MAPKAP1: variants seen among roughly 807,000 people sequenced by gnomAD.
The protein encoded by MAPKAP1 is target of rapamycin complex 2 subunit MAPKAP1.
In MAPKAP1, 20 loss-of-function variants were observed where a neutral mutation model predicts 65.7. The ratio of observed to expected loss-of-function variants is 0.30; its 90% CI spans 0.21 to 0.44. The LOEUF is 0.44. Among genes scored for constraint, MAPKAP1 ranks in the 20% least tolerant of loss-of-function variants. The probability of loss-of-function intolerance (pLI) is 1.00; values close to 1 mark genes in which losing one functional copy is unlikely to be tolerated. For missense variants in MAPKAP1, 423 were observed against 648.0 expected (o/e 0.65, Z 3.77); for synonymous variants, 222 against 244.3 (o/e 0.91, Z 0.85).
intron 4 of MAPKAP1, among the ~76,000 whole-genome samples, chr9:125,617,732 G>T (rs1832786213): frequency 6.6e-6 from 1 of 152,018 alleles, no homozygotes; most frequent in South Asian, 2.1e-4. Flanking sequence ...TTTACATAAA[G>T]TTAAAAAAAT....
intron 7 of MAPKAP1, among the ~76,000 whole-genome samples, chr9:125,516,344 A>G (rs905719044): frequency 2.0e-5 from 3 of 152,236 alleles, no homozygotes; most frequent in African/African-American, 7.2e-5. Flanking sequence ...AGCTAAAACC[A>G]GAAATTAAAG....
At chr9:125,515,771 G>C (rs969921662) in intron 7 of MAPKAP1, among the ~76,000 whole-genome samples, 4 of 152,172 alleles carry the variant, frequency 2.6e-5, no homozygotes, top group Non-Finnish European at 4.4e-5. Flanking sequence ...GGGGCCAGTC[G>C]GTGCAATAAA....
Position 125,519,652 on chromosome 9 carries a change from T to TTATATATATATATATATATATATATA in MAPKAP1, c.959-13236_959-13235insTATATATATATATATATATATATATA, listed in dbSNP as rs146480033. On this transcript the variant is annotated intron_variant, in intron 7 of 11. Coordinates refer to ENST00000265960, the MANE Select transcript of MAPKAP1 (RefSeq NM_001006617.3). ...TAATATATATACATATATATGTCTT[T>TTATATATATATATATATATATATATA]TATATATATATATATATATAATTTA... 4.4e-4 allele frequency among the ~76,000 whole-genome samples: 62 copies of TTATATATATATATATATATATATATA among 141,670 alleles called. 1 individual carries two copies. The highest frequency in any genetic ancestry group is 3.7e-3 in the Admixed American group (50 of 13,472). The allele number at this position is 141,670 out of a possible 152,430, so 92.9% of individuals were successfully genotyped here.
intron 1 of MAPKAP1, among the ~76,000 whole-genome samples, chr9:125,702,722 G>A (rs563116700): frequency 6.8e-6 from 1 of 146,704 alleles, no homozygotes; most frequent in African/African-American, 2.5e-5. Context: ...CGTGGTGATG[G>A]GCACCTGTAG....
intron 1 of MAPKAP1, among the ~76,000 whole-genome samples, chr9:125,698,332 TATATAAA>T (rs1835491140): frequency 9.5e-6 from 1 of 105,748 alleles, no homozygotes; most frequent in South Asian, 3.0e-4. Flanking sequence ...TATATATATA[TATATAAA>T]ATATATATAT....
intron 1 of MAPKAP1, among the ~76,000 whole-genome samples, chr9:125,692,984 G>A (rs1210567143): frequency 6.6e-6 from 1 of 152,154 alleles, no homozygotes; most frequent in African/African-American, 2.4e-5. Context: ...CCTAGTACCA[G>A]AAATCCCATC....
rs1834162127 is a variant in MAPKAP1, at chr9:125,660,780, T to A, written c.350-2981A>T. 2.0e-5 allele frequency among the ~76,000 whole-genome samples: 3 copies of A among 152,220 alleles called. No homozygotes were observed. In the South Asian group the frequency reaches 6.2e-4, roughly 32 times the overall value. On this transcript the variant is annotated intron_variant, in intron 3 of 11. Coordinates refer to ENST00000265960, the MANE Select transcript of MAPKAP1 (RefSeq NM_001006617.3). ...GGCAACCGCTAGCAACGCTGTGTTA[T>A]CATCACCTTAAAACCCGCTTTACTG...
chr9:125,457,224 G>C (rs1853214358), intron 10 of MAPKAP1, among the ~76,000 whole-genome samples: 1 of 151,952 alleles, frequency 6.6e-6, no homozygotes, highest in Non-Finnish European at 1.5e-5. Context: ...CCTGACCTCA[G>C]GTGATCTACC....
At chr9:125,599,334 T>C (rs770662009) in intron 4 of MAPKAP1, among the ~76,000 whole-genome samples, 16 of 152,168 alleles carry the variant, frequency 1.1e-4, no homozygotes, top group Admixed American at 6.5e-4. Flanking sequence ...GCAAACAGTT[T>C]TGCCAGCTAA....
chr9:125,698,292 T>TATATATAA (rs1382170876), intron 1 of MAPKAP1, among the ~76,000 whole-genome samples: 1 of 3,964 alleles, frequency 2.5e-4, no homozygotes, highest in East Asian at 4.2e-3. Flanking sequence ...TATATAAATA[T>TATATATAA]ATATATATAT....
intron 9 of MAPKAP1, among the ~76,000 whole-genome samples, chr9:125,474,225 G>C (rs1364957704): frequency 6.6e-6 from 1 of 152,126 alleles, no homozygotes; most frequent in African/African-American, 2.4e-5. Context: ...GGAGCACCAG[G>C]ATCCAGTTTG....
chr9:125,608,047 G>A (rs1014675010), intron 4 of MAPKAP1, among the ~76,000 whole-genome samples: 42 of 152,320 alleles, frequency 2.8e-4, no homozygotes, highest in African/African-American at 7.7e-4. Context: ...TCACGCCAGC[G>A]CCTGTAGTGA....
At chr9:125,450,401 T>TGTAA (rs1852899881) in intron 10 of MAPKAP1, among the ~76,000 whole-genome samples, 1 of 152,224 alleles carries the variant, frequency 6.6e-6, no homozygotes, top group African/African-American at 2.4e-5. Flanking sequence ...TCTCGCCTGT[T>TGTAA]TTCACAGTTG....
At chr9:125,591,672 G>A (rs1391543134) in intron 4 of MAPKAP1, among the ~76,000 whole-genome samples, 2 of 152,064 alleles carry the variant, frequency 1.3e-5, no homozygotes, top group African/African-American at 2.4e-5. Context: ...TTTTAATAAG[G>A]AGACTGTCTT....
At chr9:125,683,240 G>A (rs1834876943) in intron 1 of MAPKAP1, among the ~76,000 whole-genome samples, 1 of 152,162 alleles carries the variant, frequency 6.6e-6, no homozygotes, top group Non-Finnish European at 1.5e-5. Flanking sequence ...TTACAGGCAT[G>A]AGCCACTGCG....
intron 3 of MAPKAP1, among the ~76,000 whole-genome samples, chr9:125,661,523 T>A (rs1834184795): frequency 6.6e-6 from 1 of 151,932 alleles, no homozygotes; most frequent in African/African-American, 2.4e-5. Context: ...TCCAGAAAAA[T>A]CCTCGGAATA....
At chr9:125,521,822 C>G in intron 7 of MAPKAP1, 1 of 1,558,730 alleles carries the variant, frequency 6.4e-7, no homozygotes, top group Non-Finnish European at 8.8e-7. Flanking sequence ...TCAACCTTCT[C>G]TGAGCTACAT....
At chr9:125,576,829 T>C (rs1243487917) in intron 5 of MAPKAP1, among the ~76,000 whole-genome samples, 5 of 152,114 alleles carry the variant, frequency 3.3e-5, no homozygotes, top group Non-Finnish European at 5.9e-5. Flanking sequence ...TGCTCAATGG[T>C]GCCCAGGCTG....
At position 125,439,200 on chromosome 9, in the gene MAPKAP1, T is replaced by C. The variant is rs1852392149; in HGVS notation, c.1444-188A>G. On this transcript the variant is annotated intron_variant, in intron 11 of 11. Coordinates refer to ENST00000265960, the MANE Select transcript of MAPKAP1 (RefSeq NM_001006617.3). The surrounding 1 kb of genome is among the most constrained non-coding windows in gnomAD (Gnocchi z 4.0). Reference sequence around the variant, plus strand: ...TGGGCCCAGAGCCGCTGCTCTACGATGGGAAAACAGAGGCTTGGAGAAGCC... The same window carrying C: ...TGGGCCCAGAGCCGCTGCTCTACGACGGGAAAACAGAGGCTTGGAGAAGCC... Among the ~76,000 whole-genome samples the C allele has an allele frequency of 6.6e-6, 1 of 152,136 alleles. No individual in the cohort carries two copies. Among genetic ancestry groups the C allele is most frequent in the South Asian group, 2.1e-4 (1 of 4,832 alleles).
Sources: allele counts gnomAD v4.1 joint callset (sites outside exome capture counted in the v4.1 genomes callset), GRCh38; gene constraint gnomAD v4.1.1; non-coding constraint Gnocchi (gnomAD v3.1); transcripts MANE v1.5; gene names NCBI Gene and HGNC (gene_info 2026-07-23, HGNC 2026-07-21).